Variants in VAV2 observed in about 807,000 individuals in gnomAD.
VAV2 encodes guanine nucleotide exchange factor VAV2.
A neutral mutation model predicts 132.5 loss-of-function variants in VAV2; 67 were observed. The observed-to-expected ratio is 0.51, with a 90% CI of 0.42 to 0.62. VAV2 has a LOEUF of 0.62. Ranked by LOEUF, VAV2 falls within the 20% of genes least tolerant of loss-of-function variation. The probability of loss-of-function intolerance (pLI) is 0.00; values close to 1 mark genes in which losing one functional copy is unlikely to be tolerated. For synonymous variants in VAV2, 492 were observed against 443.5 expected (o/e 1.11, Z -1.37); for missense variants, 938 against 1,153.6 (o/e 0.81, Z 2.71).
At chr9:133,906,380 CT>C (rs1839653906) in intron 2 of VAV2, among the ~76,000 whole-genome samples, 1 of 152,222 alleles carries the variant, frequency 6.6e-6, no homozygotes, top group Non-Finnish European at 1.5e-5. Context: ...GCCCCTCCTG[CT>C]CCAAATGCAA....
chr9:133,870,401 A>C (rs916776766), intron 2 of VAV2, among the ~76,000 whole-genome samples: 2 of 152,246 alleles, frequency 1.3e-5, no homozygotes, highest in Admixed American at 6.5e-5. Context: ...TTGTCCTTAC[A>C]AAGAAGATCA....
chr9:133,960,482 T>C (rs1441949626), intron 1 of VAV2, among the ~76,000 whole-genome samples: 3 of 152,174 alleles, frequency 2.0e-5, no homozygotes, highest in Admixed American at 6.5e-5. Flanking sequence ...CCCACATGCA[T>C]GGGAGGAGTC....
rs12004752 is a variant in VAV2 at position 133,812,072 on chromosome 9, G to C, written c.552+42C>G. On this transcript the variant is annotated intron_variant, in intron 5 of 29. Transcript: ENST00000371850. ...AAGCAAGGGCCAGGCTGCTCTGCGA[G>C]GGAAGGGAGGGGAAGGGAGGGAGGA... 7.3e-3 allele frequency: 11,500 copies of C among 1,583,904 alleles called. 745 individuals are homozygous for C. In the African/African-American group the frequency reaches 0.14, roughly 19 times the overall value.
chr9:133,937,849 G>A (rs1840983099), intron 2 of VAV2, among the ~76,000 whole-genome samples: 1 of 152,148 alleles, frequency 6.6e-6, no homozygotes, highest in African/African-American at 2.4e-5. Flanking sequence ...GGGGCTCAGT[G>A]AGTCATTTAA....
intron 3 of VAV2, among the ~76,000 whole-genome samples, chr9:133,848,697 A>T (rs1376910405): frequency 6.6e-6 from 1 of 152,138 alleles, no homozygotes; most frequent in Admixed American, 6.5e-5. Flanking sequence ...GGAGCCGGGC[A>T]TCTTTGGGGA....
chr9:133,849,235 A>C (rs1837074348), intron 3 of VAV2, among the ~76,000 whole-genome samples: 1 of 152,166 alleles, frequency 6.6e-6, no homozygotes, highest in Admixed American at 6.5e-5. Flanking sequence ...GGGACAGGGC[A>C]CTGGGAAGGA....
At chr9:133,795,325 C>T (rs184627217) in intron 12 of VAV2, among the ~76,000 whole-genome samples, 67 of 152,056 alleles carry the variant, frequency 4.4e-4, no homozygotes, top group Non-Finnish European at 6.5e-4. Context: ...GAAGCAGAAG[C>T]CTCAGTGCTG....
chr9:133,828,948 C>G (rs576907896), intron 4 of VAV2, among the ~76,000 whole-genome samples: 2 of 152,342 alleles, frequency 1.3e-5, no homozygotes, highest in East Asian at 3.9e-4. Context: ...CCGGCTGTCA[C>G]CTCTTCTGAG....
In VAV2 at chr9:133,912,904, G is replaced by A. The variant is rs1839933213; in HGVS notation, c.321+26199C>T. ...ATCAGAATCAGGGCTCCTGATCCTG[G>A]TGACTTTAAGGAGGAAAATCCAACT... On this transcript the variant is annotated intron_variant, in intron 2 of 29. Coordinates refer to ENST00000371850, the MANE Select transcript of VAV2 (RefSeq NM_001134398.2). This position sits in a 1 kb window ranked among gnomAD's most constrained non-coding sequence, Gnocchi z 4.3. Among the ~76,000 whole-genome samples the A allele has an allele frequency of 6.6e-6, 1 of 152,124 alleles. No individual in the cohort carries two copies. Among genetic ancestry groups the A allele is most frequent in the Non-Finnish European group, 1.5e-5 (1 of 68,032 alleles).
chr9:133,950,971 A>G (rs978947594), intron 1 of VAV2, among the ~76,000 whole-genome samples: 6 of 152,096 alleles, frequency 3.9e-5, no homozygotes, highest in African/African-American at 1.4e-4. Flanking sequence ...CCCACCACCC[A>G]CTAAAATGAA....
At chr9:133,988,805 C>A (rs1842932026) in intron 1 of VAV2, among the ~76,000 whole-genome samples, 1 of 152,030 alleles carries the variant, frequency 6.6e-6, no homozygotes, top group African/African-American at 2.4e-5. Flanking sequence ...CTGTGGCTCA[C>A]GCCTGTAATC....
intron 4 of VAV2, among the ~76,000 whole-genome samples, chr9:133,821,219 G>A (rs1367492006): frequency 6.6e-6 from 1 of 152,154 alleles, no homozygotes; most frequent in Non-Finnish European, 1.5e-5. Flanking sequence ...GCTATACTTC[G>A]TGGAAAAACT....
At chr9:133,793,391 A>C (rs1834578179) in intron 12 of VAV2, among the ~76,000 whole-genome samples, 1 of 151,648 alleles carries the variant, frequency 6.6e-6, no homozygotes, top group African/African-American at 2.4e-5. Flanking sequence ...TTCCTAGAAG[A>C]CCTCACCATT....
intron 2 of VAV2, among the ~76,000 whole-genome samples, chr9:133,933,539 GTGGATGGA>G (rs142955359): frequency 1.5e-3 from 217 of 147,266 alleles, no homozygotes; most frequent in African/African-American, 5.0e-3. Flanking sequence ...GAATGGATGA[GTGGATGGA>G]TGGATGGATG....
chr9:133,813,736 C>A (rs1259055591), intron 4 of VAV2, among the ~76,000 whole-genome samples: 1 of 152,212 alleles, frequency 6.6e-6, no homozygotes, highest in Non-Finnish European at 1.5e-5. Context: ...TGGATGAAAG[C>A]CGGTCAGAGG....
At chr9:133,864,179 A>G (rs1469389327) in intron 2 of VAV2, among the ~76,000 whole-genome samples, 1 of 152,184 alleles carries the variant, frequency 6.6e-6, no homozygotes, top group Non-Finnish European at 1.5e-5. Flanking sequence ...GCACAGCTGC[A>G]TTTCCCTTCC....
intron 5 of VAV2, 71 bp downstream of exon 5, chr9:133,812,043 T>G: frequency 6.7e-7 from 1 of 1,495,406 alleles, no homozygotes; most frequent in South Asian, 1.1e-5. Context: ...CTCGGTATTG[T>G]GTTAAGCAAG....
At chr9:133,977,643 G>A (rs1283139636) in intron 1 of VAV2, among the ~76,000 whole-genome samples, 3 of 152,226 alleles carry the variant, frequency 2.0e-5, no homozygotes, top group African/African-American at 7.2e-5. Context: ...TGGCACCTCT[G>A]GTTCCTGACA....
At chr9:133,913,572 C>A (rs896330814) in intron 2 of VAV2, among the ~76,000 whole-genome samples, 1 of 152,244 alleles carries the variant, frequency 6.6e-6, no homozygotes. Context: ...GCAGAGCCTG[C>A]GCACATGGTC....
Sources: gnomAD v4.1 joint callset for allele counts (sites outside exome capture counted in the v4.1 genomes callset) on GRCh38, gnomAD v4.1.1 for gene constraint, Gnocchi (gnomAD v3.1) non-coding constraint, MANE v1.5 for transcripts, NCBI Gene and HGNC (gene_info 2026-07-23, HGNC 2026-07-21) for gene names.